The following C3orf33 variants were observed in gnomAD, a reference collection of about 807,000 sequenced individuals.
C3orf33 encodes mitochondrial inner membrane subdomain organizer 1, also known as AP-1 activity suppressor.
In C3orf33, 23 loss-of-function variants were observed where a neutral mutation model predicts 28.7. The ratio of observed to expected loss-of-function variants is 0.80; its 90% CI spans 0.58 to 1.13. The LOEUF is 1.13. C3orf33 is among the 50% of genes most tolerant of loss of function. The pLI is 0.00. For missense variants in C3orf33, 327 were observed against 353.4 expected, an observed-to-expected ratio of 0.93 and a Z score of 0.60; for synonymous variants, 119 against 120.5, an observed-to-expected ratio of 0.99 and a Z score of 0.08.
intron 2 of C3orf33, among the ~76,000 whole-genome samples, chr3:155,785,194 TA>T (rs1311433687): frequency 6.6e-6 from 1 of 152,088 alleles, no homozygotes; most frequent in African/African-American, 2.4e-5. Flanking sequence ...TATAAATATT[TA>T]TGTACCAAAT....
chr3:155,792,892 G>A (rs1296279754), intron 2 of C3orf33, among the ~76,000 whole-genome samples: 2 of 152,124 alleles, frequency 1.3e-5, no homozygotes, highest in Non-Finnish European at 2.9e-5. Context: ...GAGGCAGAGA[G>A]ATAGGGGTAG....
At chr3:155,802,747 C>T (rs1361872002) in intron 1 of C3orf33, among the ~76,000 whole-genome samples, 156 bp from the exon 2 acceptor site, 2 of 152,258 alleles carry the variant, frequency 1.3e-5, no homozygotes, top group East Asian at 3.9e-4. Context: ...TCTTCAAAAA[C>T]TGTCCACTCG....
intron 3 of C3orf33, among the ~76,000 whole-genome samples, chr3:155,768,925 C>A (rs1290010991): frequency 3.9e-5 from 6 of 152,126 alleles, no homozygotes; most frequent in Admixed American, 3.3e-4. Flanking sequence ...CCTGTAATCC[C>A]AGCACTTTGG....
At chr3:155,788,258 A>AT (rs1751199589) in intron 2 of C3orf33, among the ~76,000 whole-genome samples, 3 of 131,020 alleles carry the variant, frequency 2.3e-5, no homozygotes, top group East Asian at 2.2e-4. Context: ...AATAGAATAA[A>AT]TTAAAAAAAC....
intron 2 of C3orf33, among the ~76,000 whole-genome samples, chr3:155,793,894 G>C (rs568799989): frequency 6.7e-6 from 1 of 149,636 alleles, no homozygotes; most frequent in South Asian, 2.1e-4. Context: ...TATAAATAGA[G>C]ACATAAAGTT....
chr3:155,765,592 G>A (rs1279639976), intron 4 of C3orf33, among the ~76,000 whole-genome samples: 4 of 152,124 alleles, frequency 2.6e-5, no homozygotes, highest in African/African-American at 9.7e-5. Flanking sequence ...CTGTCACCCA[G>A]GCTGGAGTGC....
At chr3:155,792,441 C>T in intron 2 of C3orf33, among the ~76,000 whole-genome samples, 2 of 152,144 alleles carry the variant, frequency 1.3e-5, no homozygotes, top group South Asian at 4.1e-4. Context: ...TATCCACAAG[C>T]ATCAAGAATA....
intron 2 of C3orf33, among the ~76,000 whole-genome samples, chr3:155,782,254 C>A (rs527589054): frequency 1.3e-5 from 2 of 149,838 alleles, no homozygotes; most frequent in South Asian, 4.3e-4. Flanking sequence ...CCTAAGGAAT[C>A]TATGGAACAC....
chr3:155,795,525 A>G (rs1231751956), intron 2 of C3orf33, among the ~76,000 whole-genome samples: 1 of 152,194 alleles, frequency 6.6e-6, no homozygotes, highest in Non-Finnish European at 1.5e-5. Flanking sequence ...TCTGACTACA[A>G]TGGAATACAA....
chr3:155,771,017 C>CTGTGTGTGTGTGTG lies in C3orf33; in HGVS notation c.323-3362_323-3349dup, dbSNP rs71138678. On this transcript the variant is annotated intron_variant, in intron 3 of 4. Transcript: ENST00000340171. ...GTTGAGACATAGTTTTGCTCTGCCA[C>CTGTGTGTGTGTGTG]TGTGTGTGTGTGTGTGTGTGTGTGT... Among the ~76,000 whole-genome samples the CTGTGTGTGTGTGTG allele has an allele frequency of 2.1e-4, 23 of 109,660 alleles. 1 individual carries two copies. Among genetic ancestry groups the CTGTGTGTGTGTGTG allele is most frequent in the African/African-American group, 5.8e-4 (15 of 25,702 alleles). The allele number at this position is 109,660 out of a possible 152,430, so 71.9% of individuals were successfully genotyped here. A position where few individuals can be genotyped will look rare whatever the true frequency, so the allele number is the denominator to read the frequency against.
intron 2 of C3orf33, among the ~76,000 whole-genome samples, chr3:155,778,041 A>G (rs113524909): frequency 0.024 from 3,621 of 148,482 alleles, 141 homozygotes; most frequent in African/African-American, 0.084. Flanking sequence ...TCCCAGCTAC[A>G]CAGGAGGCTC....
chr3:155,788,064 G>C (rs1366247742), intron 2 of C3orf33, among the ~76,000 whole-genome samples: 2 of 151,820 alleles, frequency 1.3e-5, no homozygotes, highest in East Asian at 3.9e-4. Flanking sequence ...GGTGGCGGGC[G>C]CCTGTAGTCC....
chr3:155,767,169 C>G (rs1750434745), intron 4 of C3orf33, among the ~76,000 whole-genome samples: 1 of 151,826 alleles, frequency 6.6e-6, no homozygotes. Context: ...AGAAGAATCA[C>G]TTGAACCTGA....
At chr3:155,767,021 A>G (rs1347925185) in intron 4 of C3orf33, among the ~76,000 whole-genome samples, 6 of 151,984 alleles carry the variant, frequency 3.9e-5, no homozygotes. Context: ...TTGGGAGGCC[A>G]AGGTGGGCAG....
chr3:155,780,240 G>T (rs1750877919), intron 2 of C3orf33, among the ~76,000 whole-genome samples: 1 of 152,190 alleles, frequency 6.6e-6, no homozygotes, highest in South Asian at 2.1e-4. Context: ...CAAGGATGCT[G>T]TGTCTAAGCT....
At chr3:155,788,186 G>C (rs1156843360) in intron 2 of C3orf33, among the ~76,000 whole-genome samples, 1 of 125,338 alleles carries the variant, frequency 8.0e-6, no homozygotes, top group Non-Finnish European at 1.8e-5. Flanking sequence ...GCGAGACTCC[G>C]TCTCAAAAAA....
intron 2 of C3orf33, among the ~76,000 whole-genome samples, chr3:155,785,699 C>T (rs1751079269): frequency 6.6e-6 from 1 of 151,924 alleles, no homozygotes; most frequent in Non-Finnish European, 1.5e-5. Flanking sequence ...GAAAGCAGTG[C>T]TAAGGGAGAA....
chr3:155,792,956 A>G (rs1751358913), intron 2 of C3orf33, among the ~76,000 whole-genome samples: 1 of 152,170 alleles, frequency 6.6e-6, no homozygotes. Context: ...AGAGAAAGAT[A>G]CTGATATTCA....
chr3:155,767,485 T>C lies in C3orf33; in HGVS notation c.483+24A>G, dbSNP rs763771884. 7 of 1,461,798 alleles carry C rather than the reference T, an allele frequency of 4.8e-6. No individual in the cohort carries two copies. The African/African-American group carries it at 8.5e-5, about 18-fold the overall frequency. The allele number at this position is 1,461,798 out of a possible 1,614,324, so 90.6% of individuals were successfully genotyped here. ...AGTAATAAGAAGAATAAGATATTGCTAGTTATTTCTTCACATTGCTTACCT... is the reference window on the plus strand; with the variant it reads ...AGTAATAAGAAGAATAAGATATTGCCAGTTATTTCTTCACATTGCTTACCT... On this transcript the variant is annotated intron_variant, in intron 4 of 4. Coordinates refer to ENST00000340171, the MANE Select transcript of C3orf33 (RefSeq NM_001308229.2).
Sources: gnomAD v4.1 joint callset for allele counts (sites outside exome capture counted in the v4.1 genomes callset) on GRCh38, gnomAD v4.1.1 for gene constraint, MANE v1.5 for transcripts, NCBI Gene and HGNC (gene_info 2026-07-23, HGNC 2026-07-21) for gene names.